SLIT3: variants seen among roughly 807,000 people sequenced by gnomAD.
The protein encoded by SLIT3 is slit guidance ligand 3.
A neutral mutation model predicts 184.0 loss-of-function variants in SLIT3; 68 were observed. The observed-to-expected ratio is 0.37, with a 90% confidence interval of 0.30 to 0.45. The LOEUF (loss-of-function observed/expected upper bound fraction) is 0.45. Ranked by LOEUF, SLIT3 falls within the 20% of genes least tolerant of loss-of-function variation. The pLI, the probability that SLIT3 is intolerant of heterozygous loss-of-function variation, is 1.00. For synonymous variants in SLIT3, 831 were observed against 828.6 expected, an observed-to-expected ratio of 1.00 and a Z score of -0.05; for missense variants, 1,707 against 2,026.0, an observed-to-expected ratio of 0.84 and a Z score of 3.02.
chr5:168,695,723 T>C (rs905614971), intron 28 of SLIT3, among the ~76,000 whole-genome samples: 7 of 152,168 alleles, frequency 4.6e-5, no homozygotes, highest in Non-Finnish European at 8.8e-5. Flanking sequence ...GAATGCTCTC[T>C]TGTGGGAGCC....
chr5:169,023,605 C>CTT (rs60134648), intron 4 of SLIT3: 13 of 149,622 alleles, frequency 8.7e-5, no homozygotes, highest in East Asian at 2.0e-4. Context: ...ACCCTCTGTT[C>CTT]TTTTTTTTTT....
At chr5:169,123,751 G>T (rs1760975085) in intron 4 of SLIT3, among the ~76,000 whole-genome samples, 1 of 152,166 alleles carries the variant, frequency 6.6e-6, no homozygotes, top group African/African-American at 2.4e-5. Flanking sequence ...TCAAAGCAAT[G>T]GCTACCAAGA....
At chr5:169,160,077 A>G (rs1762430030) in intron 4 of SLIT3, among the ~76,000 whole-genome samples, 1 of 152,228 alleles carries the variant, frequency 6.6e-6, no homozygotes, top group Non-Finnish European at 1.5e-5. Context: ...TTCATAAAGA[A>G]AAACAAATCT....
chr5:168,988,501 G>T (rs763704809), intron 4 of SLIT3, among the ~76,000 whole-genome samples: 1 of 152,084 alleles, frequency 6.6e-6, no homozygotes, highest in Non-Finnish European at 1.5e-5. Context: ...CTTTCCAAGG[G>T]CTCCCGACCA....
intron 8 of SLIT3, among the ~76,000 whole-genome samples, chr5:168,814,709 T>C (rs977426976): frequency 6.6e-6 from 1 of 152,238 alleles, no homozygotes; most frequent in African/African-American, 2.4e-5. Flanking sequence ...CGCATTAGGT[T>C]GGTGCAAAAG....
chr5:168,958,370 T>C (rs1762901984), intron 4 of SLIT3, among the ~76,000 whole-genome samples: 1 of 152,216 alleles, frequency 6.6e-6, no homozygotes, highest in Non-Finnish European at 1.5e-5. Flanking sequence ...GATATATTCA[T>C]GTCCAGCTGC....
chr5:168,789,241 G>A (rs1756267878), intron 11 of SLIT3, among the ~76,000 whole-genome samples: 2 of 150,090 alleles, frequency 1.3e-5, no homozygotes, highest in Non-Finnish European at 3.0e-5. Flanking sequence ...ATAGCGCTGC[G>A]GTGGCATGTG....
At chr5:169,203,601 C>T (rs539219002) in intron 3 of SLIT3, among the ~76,000 whole-genome samples, 4 of 152,324 alleles carry the variant, frequency 2.6e-5, no homozygotes, top group Admixed American at 2.6e-4. Flanking sequence ...TCTACTCTTG[C>T]AGCTTTCCCC....
chr5:168,816,972 C>G (rs1019128009), intron 8 of SLIT3, among the ~76,000 whole-genome samples: 1 of 152,174 alleles, frequency 6.6e-6, no homozygotes, highest in Non-Finnish European at 1.5e-5. Context: ...TTAGCAGATG[C>G]TAGAACACCT....
At chr5:168,789,537 G>A (rs1756281018) in intron 11 of SLIT3, 23 bp downstream of exon 11, 1 of 1,601,876 alleles carries the variant, frequency 6.2e-7, no homozygotes, top group Non-Finnish European at 8.5e-7. Context: ...CTCACCTCAG[G>A]CCCCAACTCG....
chr5:168,883,325 T>G lies in SLIT3; in HGVS notation c.425A>C (p.Glu142Ala). Residue 142 changes from glutamate to alanine, a missense_variant, in exon 5 of 36, where the codon GAA (glutamate) becomes GCA (alanine). Physicochemically the swap from Glu to Ala is moderately radical, Grantham distance 107. Around this residue, in one of 3 missense-constraint regions of SLIT3, gnomAD observed 1,307 missense variants for 1,511.6 expected, o/e 0.86. Transcript: ENST00000519560. ...CCTCGGGATCCCCTGGATCTGGTTT[T>G]CACTCAAATCTCTAAACAAGAAGAG... ...TPKLTRLDLS[E>A]NQIQGIPRKA... 6.2e-7 allele frequency: 1 copy of G among 1,613,760 alleles called. No individual in the cohort carries two copies. Among genetic ancestry groups the G allele is most frequent in the Non-Finnish European group, 8.5e-7 (1 of 1,179,676 alleles).
At chr5:169,038,318 G>A (rs369497829) in intron 4 of SLIT3, among the ~76,000 whole-genome samples, 53 of 152,310 alleles carry the variant, frequency 3.5e-4, no homozygotes, top group African/African-American at 1.3e-3. Flanking sequence ...TGGAACTGCT[G>A]ATTGAATATG....
rs192041643 is a variant in SLIT3, at chr5:168,789,677, G to A, written c.1008-46C>T. On this transcript the variant is annotated intron_variant, in intron 10 of 35. Coordinates refer to ENST00000519560, the MANE Select transcript of SLIT3 (RefSeq NM_003062.4). ...GTCTGAGAACATGGCTCAAAGGTGC[G>A]ATAACGGTCACTCCTAAGTGTGAAT... is the stretch of plus-strand genomic sequence containing the variant. 2.0e-5 allele frequency: 29 copies of A among 1,423,980 alleles called. No individual in the cohort carries two copies. The East Asian group carries it at 2.3e-4, about 11-fold the overall frequency. 88.2% of individuals were successfully genotyped at this position (1,423,980 alleles called of 1,614,324 possible).
chr5:168,746,656 G>GT (rs1754442420), intron 20 of SLIT3, among the ~76,000 whole-genome samples: 2 of 97,404 alleles, frequency 2.1e-5, no homozygotes, highest in Admixed American at 1.1e-4. Context: ...GTGGGTGTGT[G>GT]GTGTGTGAGT....
intron 4 of SLIT3, among the ~76,000 whole-genome samples, chr5:169,157,413 G>C (rs528006336): frequency 7.5e-4 from 114 of 152,240 alleles, no homozygotes; most frequent in African/African-American, 2.7e-3. Flanking sequence ...CCAGCCAGGT[G>C]GTATCAACAG....
At chr5:169,190,587 A>G (rs1055021904) in intron 4 of SLIT3, among the ~76,000 whole-genome samples, 4 of 152,222 alleles carry the variant, frequency 2.6e-5, no homozygotes, top group Admixed American at 2.6e-4. Context: ...TTACATGACT[A>G]TAGACTTTCC....
intron 4 of SLIT3, among the ~76,000 whole-genome samples, chr5:168,912,819 C>CGGCT (rs1269018293): frequency 1.3e-5 from 2 of 152,146 alleles, no homozygotes; most frequent in African/African-American, 4.8e-5. Context: ...ACTTTCTGCA[C>CGGCT]GGCTCCCTTA....
At chr5:168,771,789 G>C (rs1272058242) in intron 14 of SLIT3, among the ~76,000 whole-genome samples, 2 of 152,206 alleles carry the variant, frequency 1.3e-5, no homozygotes, top group East Asian at 3.8e-4. Flanking sequence ...GATGTTGTAA[G>C]AAGCACAAGT....
chr5:168,905,540 C>A (rs1421618739), intron 4 of SLIT3, among the ~76,000 whole-genome samples: 5 of 152,208 alleles, frequency 3.3e-5, no homozygotes, highest in Non-Finnish European at 7.3e-5. Flanking sequence ...TGGTTCAGGT[C>A]TGTACACAGA....
Sources: allele counts gnomAD v4.1 joint callset (sites outside exome capture counted in the v4.1 genomes callset), GRCh38; gene constraint gnomAD v4.1.1; regional missense constraint gnomAD v4.1.1; transcripts MANE v1.5; gene names NCBI Gene and HGNC (gene_info 2026-07-23, HGNC 2026-07-21).